Variants in STIM1 observed in about 807,000 individuals in gnomAD.
STIM1 encodes the protein stromal interaction molecule 1.
STIM1 carries 25 observed loss-of-function variants against 74.7 expected under a neutral mutation model. The observed-to-expected ratio is 0.33, with a 90% CI of 0.24 to 0.47. The LOEUF (loss-of-function observed/expected upper bound fraction) is 0.47, where lower values mean the gene tolerates loss of function less well. Among genes scored for constraint, STIM1 ranks in the 20% least tolerant of loss-of-function variants. STIM1 has a pLI of 1.00. For missense variants in STIM1, 728 were observed against 920.8 expected (o/e 0.79, Z 2.71); for synonymous variants, 328 against 348.8 (o/e 0.94, Z 0.66).
rs1279337479 is a variant in STIM1, at chr11:3,873,444, A to C, written c.139+17035A>C. Among the ~76,000 whole-genome samples the C allele has an allele frequency of 2.0e-5, 3 of 150,026 alleles. No individual in the cohort carries two copies. In the East Asian group the frequency reaches 5.9e-4, roughly 29 times the overall value. On this transcript the variant is annotated intron_variant, in intron 1 of 12. Transcript: ENST00000526596. ...AAAAAAAAAAAAAAAAAAATTAAAA[A>C]CTTTTTTTTTTTTGTGGAGATGGAT...
At chr11:3,970,171 C>T (rs943488771) in intron 2 of STIM1, among the ~76,000 whole-genome samples, 2 of 150,334 alleles carry the variant, frequency 1.3e-5, no homozygotes, top group Admixed American at 1.3e-4. Flanking sequence ...CAACAAAAAG[C>T]TCATCAGCAC....
chr11:3,952,274 A>G (rs549472858), intron 1 of STIM1, among the ~76,000 whole-genome samples: 2 of 152,210 alleles, frequency 1.3e-5, no homozygotes, highest in Non-Finnish European at 2.9e-5. Context: ...TTAGCCGAGC[A>G]CAGTGGTGCA....
intron 1 of STIM1, among the ~76,000 whole-genome samples, chr11:3,877,860 A>C (rs180765866): frequency 6.6e-6 from 1 of 152,166 alleles, no homozygotes; most frequent in Non-Finnish European, 1.5e-5. Flanking sequence ...AGCACTGGGA[A>C]TACCAGTCTC....
At position 4,022,523 on chromosome 11, in the gene STIM1, G is replaced by A. The variant is rs146250272; in HGVS notation, c.271-1350G>A. On this transcript the variant is annotated intron_variant, in intron 2 of 12. Transcript: ENST00000526596. ...CATTACTGTGTTGAATAATAGCGGTGAACGAAGGCATCCTTGTCTCGTTCC... is the reference window on the plus strand; with the variant it reads ...CATTACTGTGTTGAATAATAGCGGTAAACGAAGGCATCCTTGTCTCGTTCC... Among the ~76,000 whole-genome samples the A allele has an allele frequency of 4.6e-5, 7 of 152,086 alleles. No homozygotes were observed. The East Asian group carries it at 1.2e-3, about 25-fold the overall frequency.
At chr11:3,932,544 C>G (rs1054079353) in intron 1 of STIM1, among the ~76,000 whole-genome samples, 1 of 151,918 alleles carries the variant, frequency 6.6e-6, no homozygotes, top group East Asian at 1.9e-4. Flanking sequence ...CACCTGTAGT[C>G]CCAGCTACTT....
intron 3 of STIM1, among the ~76,000 whole-genome samples, chr11:4,026,814 C>G (rs2094001592): frequency 6.6e-6 from 1 of 152,186 alleles, no homozygotes; most frequent in Non-Finnish European, 1.5e-5. Context: ...GGACACATCT[C>G]CATTTCCAGC....
intron 12 of STIM1, chr11:4,088,697 A>G (rs1422778841): frequency 6.5e-7 from 1 of 1,535,632 alleles, no homozygotes; most frequent in African/African-American, 1.4e-5. Flanking sequence ...TGCACCACGC[A>G]CCAGAGGATC....
At chr11:3,907,756 A>C (rs2092490130) in intron 1 of STIM1, among the ~76,000 whole-genome samples, 1 of 152,158 alleles carries the variant, frequency 6.6e-6, no homozygotes. Flanking sequence ...GCTCCCAGTT[A>C]CTGTCTTAGC....
chr11:3,897,154 A>G (rs755830801), intron 1 of STIM1, among the ~76,000 whole-genome samples: 3 of 152,218 alleles, frequency 2.0e-5, no homozygotes, highest in South Asian at 2.1e-4. Context: ...AGTAAAAACT[A>G]CTAAGTTAAT....
intron 1 of STIM1, among the ~76,000 whole-genome samples, chr11:3,876,432 G>A (rs1254959512): frequency 6.6e-6 from 1 of 152,170 alleles, no homozygotes; most frequent in African/African-American, 2.4e-5. Flanking sequence ...GGGAGACAGG[G>A]TCTCACTCTG....
intron 12 of STIM1, among the ~76,000 whole-genome samples, chr11:4,087,640 T>C (rs1590700942): frequency 6.6e-6 from 1 of 152,056 alleles, no homozygotes; most frequent in East Asian, 1.9e-4. Flanking sequence ...CAGTCACATT[T>C]GCATTTTAGA....
At chr11:4,070,696 C>T (rs971635397) in intron 6 of STIM1, among the ~76,000 whole-genome samples, 4 of 152,122 alleles carry the variant, frequency 2.6e-5, no homozygotes, top group African/African-American at 9.7e-5. Context: ...GATTTATTTC[C>T]TCATTGGTAA....
chr11:3,940,076 C>T (rs542048308), intron 1 of STIM1, among the ~76,000 whole-genome samples: 1 of 152,318 alleles, frequency 6.6e-6, no homozygotes, highest in Non-Finnish European at 1.5e-5. Flanking sequence ...GGTTAAGAGA[C>T]CTTTTTCCTT....
At chr11:4,022,706 A>G (rs2093967063) in intron 2 of STIM1, among the ~76,000 whole-genome samples, 1 of 152,184 alleles carries the variant, frequency 6.6e-6, no homozygotes, top group Non-Finnish European at 1.5e-5. Context: ...TCACTCACAT[A>G]CCTGACTCCT....
chr11:3,869,587 TG>T (rs766263338), intron 1 of STIM1, among the ~76,000 whole-genome samples: 15 of 152,184 alleles, frequency 9.9e-5, no homozygotes, highest in Non-Finnish European at 1.6e-4. Context: ...AAAGAGTCTT[TG>T]GGGGGCAGTA....
At chr11:3,992,286 T>C (rs1312493671) in intron 2 of STIM1, among the ~76,000 whole-genome samples, 1 of 150,768 alleles carries the variant, frequency 6.6e-6, no homozygotes, top group Non-Finnish European at 1.5e-5. Flanking sequence ...TGGTGATGTG[T>C]GCCTATAATT....
At chr11:3,952,371 G>A (rs2135672032) in intron 1 of STIM1, among the ~76,000 whole-genome samples, 1 of 152,058 alleles carries the variant, frequency 6.6e-6, no homozygotes, top group East Asian at 1.9e-4. Context: ...GTCCAGCCTG[G>A]GTGACAGAGT....
rs567222279 is a variant in STIM1 at position 4,039,605 on chromosome 11, A to C, written c.385+15618A>C. On this transcript the variant is annotated intron_variant, in intron 3 of 12. Coordinates refer to ENST00000526596, the MANE Select transcript of STIM1 (RefSeq NM_001382567.1). ...CATCTCAAAAAAAAAAAAAAAAAAAACGAAAGAAAGAAAATGTCAGTGATT... is the reference window on the plus strand; with the variant it reads ...CATCTCAAAAAAAAAAAAAAAAAAACCGAAAGAAAGAAAATGTCAGTGATT... 2.4e-4 allele frequency among the ~76,000 whole-genome samples: 33 copies of C among 135,002 alleles called. 1 individual carries two copies. The highest frequency in any genetic ancestry group is 7.7e-4 in the African/African-American group (30 of 39,006). The allele number at this position is 135,002 out of a possible 152,430, so 88.6% of individuals were successfully genotyped here.
intron 1 of STIM1, among the ~76,000 whole-genome samples, chr11:3,873,317 C>T (rs2091187837): frequency 6.7e-6 from 1 of 149,962 alleles, no homozygotes; most frequent in African/African-American, 2.5e-5. Context: ...ACTTGGGAGG[C>T]TGAGGCAGGA....
Sources: allele counts gnomAD v4.1 joint callset (sites outside exome capture counted in the v4.1 genomes callset), GRCh38; gene constraint gnomAD v4.1.1; transcripts MANE v1.5; gene names NCBI Gene and HGNC (gene_info 2026-07-23, HGNC 2026-07-21).